CAMTA1: variants seen among roughly 807,000 people sequenced by gnomAD.
CAMTA1 encodes calmodulin-binding transcription activator 1.
CAMTA1 carries 27 observed loss-of-function variants against 170.9 expected under a neutral mutation model. The observed-to-expected ratio is 0.16, with a 90% CI of 0.12 to 0.22. CAMTA1 has a LOEUF of 0.22. Ranked by LOEUF, CAMTA1 falls within the 10% of genes least tolerant of loss-of-function variation. The pLI, the probability that CAMTA1 is intolerant of heterozygous loss-of-function variation, is 1.00. For missense variants in CAMTA1, 1,619 were observed against 2,217.2 expected (o/e 0.73, Z 5.42); for synonymous variants, 833 against 891.5 (o/e 0.93, Z 1.17).
At chr1:7,643,239 C>T (rs1409710615) in intron 7 of CAMTA1, among the ~76,000 whole-genome samples, 1 of 152,210 alleles carries the variant, frequency 6.6e-6, no homozygotes, top group East Asian at 1.9e-4. Flanking sequence ...AGAAGGAATT[C>T]CTCTTGTCAG....
rs554107001 is a variant in CAMTA1 at position 7,532,988 on chromosome 1, T to G, written c.510+65087T>G. Among the ~76,000 whole-genome samples the G allele has an allele frequency of 6.6e-5, 10 of 151,874 alleles. No individual in the cohort carries two copies. Among genetic ancestry groups the G allele is most frequent in the East Asian group, 1.9e-4 (1 of 5,154 alleles). ...AAGAGATGGGAGGCCCAGGTGGGAGTTGAGGGTCCCAATAATTAGTACGTT... is the reference window on the plus strand; with the variant it reads ...AAGAGATGGGAGGCCCAGGTGGGAGGTGAGGGTCCCAATAATTAGTACGTT... On this transcript the variant is annotated intron_variant, in intron 6 of 22. Transcript: ENST00000303635. The surrounding 1 kb of genome is among the most constrained non-coding windows in gnomAD (Gnocchi z 4.2).
Position 7,300,117 on chromosome 1 carries a change from T to TA in CAMTA1, c.438+50500dup, listed in dbSNP as rs376836049. Among the ~76,000 whole-genome samples, 1 of 151,746 alleles carries TA rather than the reference T, an allele frequency of 6.6e-6. No individual in the cohort carries two copies. Among genetic ancestry groups the TA allele is most frequent in the Non-Finnish European group, 1.5e-5 (1 of 67,922 alleles). Reference sequence around the variant, plus strand: ...TAATTTGAATTTGAGATAGCATTCTTAAAAAAAAATTCCCTTCGCAATAAA... The same window carrying TA: ...TAATTTGAATTTGAGATAGCATTCTTAAAAAAAAAATTCCCTTCGCAATAAA... On this transcript the variant is annotated intron_variant, in intron 5 of 22. Coordinates refer to ENST00000303635, the MANE Select transcript of CAMTA1 (RefSeq NM_015215.4). The surrounding 1 kb of genome is among the most constrained non-coding windows in gnomAD (Gnocchi z 4.1).
intron 5 of CAMTA1, among the ~76,000 whole-genome samples, chr1:7,349,920 G>C (rs947461637): frequency 1.3e-5 from 2 of 152,206 alleles, no homozygotes; most frequent in African/African-American, 4.8e-5. Flanking sequence ...CTTCACTCCT[G>C]TATAAGCCCC....
At chr1:6,967,653 G>A (rs950685708) in intron 3 of CAMTA1, among the ~76,000 whole-genome samples, 1 of 152,190 alleles carries the variant, frequency 6.6e-6, no homozygotes, top group African/African-American at 2.4e-5. Context: ...AGCTCTGGCT[G>A]TGCTGTGTGG....
intron 4 of CAMTA1, among the ~76,000 whole-genome samples, chr1:7,182,992 A>G (rs551869083): frequency 2.0e-4 from 31 of 152,342 alleles, no homozygotes; most frequent in African/African-American, 7.2e-4. Flanking sequence ...TTTCAAGGGA[A>G]GTGTGGCGAT....
At chr1:7,262,378 A>G (rs889426759) in intron 5 of CAMTA1, among the ~76,000 whole-genome samples, 1 of 152,122 alleles carries the variant, frequency 6.6e-6, no homozygotes, top group African/African-American at 2.4e-5. Context: ...CCTAGCCAAC[A>G]TGGTGAAACC....
At chr1:7,271,100 T>C (rs1300301823) in intron 5 of CAMTA1, among the ~76,000 whole-genome samples, 1 of 152,122 alleles carries the variant, frequency 6.6e-6, no homozygotes, top group Non-Finnish European at 1.5e-5. Flanking sequence ...GTGGCTGTGT[T>C]TGGAGATGGG....
intron 3 of CAMTA1, among the ~76,000 whole-genome samples, chr1:6,927,968 T>C (rs962827657): frequency 1.3e-5 from 2 of 152,124 alleles, no homozygotes; most frequent in Non-Finnish European, 2.9e-5. Flanking sequence ...GATCCAGGTG[T>C]CCTGCCTTCT....
At chr1:7,459,756 G>A (rs2093039665) in intron 5 of CAMTA1, among the ~76,000 whole-genome samples, 1 of 152,216 alleles carries the variant, frequency 6.6e-6, no homozygotes, top group African/African-American at 2.4e-5. Flanking sequence ...CTGGAAGAGA[G>A]AGACTTTCCT....
At chr1:7,753,760 A>G (rs2096913578) in intron 21 of CAMTA1, among the ~76,000 whole-genome samples, 1 of 152,252 alleles carries the variant, frequency 6.6e-6, no homozygotes, top group African/African-American at 2.4e-5. Flanking sequence ...CTATGATGCC[A>G]TGCAGAAGCT....
intron 11 of CAMTA1, among the ~76,000 whole-genome samples, chr1:7,706,999 G>C (rs1424745584): frequency 6.7e-6 from 1 of 148,874 alleles, no homozygotes; most frequent in East Asian, 2.0e-4. Flanking sequence ...TGATTCTCCT[G>C]CCTCAGTCTC....
intron 4 of CAMTA1, among the ~76,000 whole-genome samples, chr1:7,221,061 C>G (rs1185613111): frequency 6.6e-6 from 1 of 152,158 alleles, no homozygotes; most frequent in East Asian, 1.9e-4. Flanking sequence ...CACCGAAGGC[C>G]GGCACGGCAC....
intron 6 of CAMTA1, among the ~76,000 whole-genome samples, chr1:7,574,757 G>A (rs956920226): frequency 6.6e-6 from 1 of 152,190 alleles, no homozygotes; most frequent in Non-Finnish European, 1.5e-5. Context: ...CAGGTAGAGA[G>A]AGGCCAGGTG....
intron 6 of CAMTA1, among the ~76,000 whole-genome samples, chr1:7,514,304 C>T (rs1287455323): frequency 1.3e-5 from 2 of 152,240 alleles, no homozygotes; most frequent in Non-Finnish European, 2.9e-5. Context: ...AAGCAAAGAG[C>T]AGTTGCCCAA....
intron 4 of CAMTA1, among the ~76,000 whole-genome samples, chr1:7,163,525 G>C (rs1057336924): frequency 6.6e-6 from 1 of 152,222 alleles, no homozygotes; most frequent in Non-Finnish European, 1.5e-5. Context: ...CCGGCTTCCA[G>C]GGAACTGGGG....
At chr1:6,999,932 G>A (rs1697961389) in intron 3 of CAMTA1, among the ~76,000 whole-genome samples, 1 of 152,182 alleles carries the variant, frequency 6.6e-6, no homozygotes, top group South Asian at 2.1e-4. Context: ...GACCCTGACA[G>A]GTTCTTTTCT....
rs1347719998 is a variant in CAMTA1, at chr1:7,293,836, C to T, written c.438+44210C>T. ...CGTGCCCCTCGCTTTTCTCTGAAAACTCGGCATGCCCCGGGGGGCCTCTTT... is the reference window on the plus strand; with the variant it reads ...CGTGCCCCTCGCTTTTCTCTGAAAATTCGGCATGCCCCGGGGGGCCTCTTT... On this transcript the variant is annotated intron_variant, in intron 5 of 22. Coordinates refer to ENST00000303635, the MANE Select transcript of CAMTA1 (RefSeq NM_015215.4). This position sits in a 1 kb window ranked among gnomAD's most constrained non-coding sequence, Gnocchi z 4.1. 6.6e-6 allele frequency among the ~76,000 whole-genome samples: 1 copy of T among 152,240 alleles called. No homozygotes were observed. The highest frequency in any genetic ancestry group is 1.5e-5 in the Non-Finnish European group (1 of 68,048).
intron 5 of CAMTA1, among the ~76,000 whole-genome samples, chr1:7,284,161 T>C (rs1393260783): frequency 1.4e-4 from 16 of 117,144 alleles, no homozygotes; most frequent in African/African-American, 5.5e-4. Flanking sequence ...TTCTTCTTCT[T>C]CTTCTTCTTC....
intron 3 of CAMTA1, among the ~76,000 whole-genome samples, chr1:7,060,899 T>C (rs890916353): frequency 6.6e-6 from 1 of 152,222 alleles, no homozygotes; most frequent in Non-Finnish European, 1.5e-5. Context: ...ATAACGAAGA[T>C]TTCCCTTTGT....
Sources: gnomAD v4.1 joint callset for allele counts (sites outside exome capture counted in the v4.1 genomes callset) on GRCh38, gnomAD v4.1.1 for gene constraint, Gnocchi (gnomAD v3.1) non-coding constraint, MANE v1.5 for transcripts, NCBI Gene and HGNC (gene_info 2026-07-23, HGNC 2026-07-21) for gene names.